The following ELAVL1 variants were observed in gnomAD, a reference collection of about 807,000 sequenced individuals.
ELAVL1 encodes the protein ELAV-like protein 1.
A neutral mutation model predicts 28.4 loss-of-function variants in ELAVL1; 1 was observed. The observed-to-expected ratio is 0.04, with a 90% CI of 0.01 to 0.17. ELAVL1 has a LOEUF of 0.17. Among genes scored for constraint, ELAVL1 ranks in the 10% least tolerant of loss-of-function variants. The pLI is 1.00. For missense variants in ELAVL1, 157 were observed against 447.2 expected (o/e 0.35, Z 5.85); for synonymous variants, 174 against 183.5 (o/e 0.95, Z 0.42).
rs1391946655 is a variant in ELAVL1 at position 7,963,069 on chromosome 19, ATCTG to A, written c.*410_*413del. ...GCGGTTGAGAAAACGCACACTCAGC[ATCTG>A]TCTAACATCTTTAGATTAAAAACTA... On this transcript the variant is annotated 3_prime_UTR_variant, in exon 6 of 6. Transcript: ENST00000407627. The surrounding 1 kb of genome is among the most constrained non-coding windows in gnomAD (Gnocchi z 4.5). 2 of 165,558 alleles carry A rather than the reference ATCTG, an allele frequency of 1.2e-5. No individual in the cohort carries two copies. The highest frequency in any genetic ancestry group is 1.6e-4 in the South Asian group (1 of 6,322). 10.3% of individuals were successfully genotyped at this position (165,558 alleles called of 1,614,324 possible).
intron 4 of ELAVL1, among the ~76,000 whole-genome samples, chr19:7,971,964 C>T (rs770704313): frequency 1.3e-5 from 2 of 152,196 alleles, no homozygotes; most frequent in Non-Finnish European, 2.9e-5. Flanking sequence ...ACATGAAAGG[C>T]GAGGCTCTGG....
At chr19:8,005,127 G>A (rs903583342) in intron 1 of ELAVL1, among the ~76,000 whole-genome samples, 16 of 152,084 alleles carry the variant, frequency 1.1e-4, no homozygotes, top group African/African-American at 3.9e-4. Context: ...TGACCTCTGC[G>A]CGCTCAAAGC....
intron 1 of ELAVL1, among the ~76,000 whole-genome samples, chr19:8,000,590 T>C (rs984166294): frequency 1.8e-4 from 27 of 152,236 alleles, no homozygotes; most frequent in Admixed American, 1.6e-3. Flanking sequence ...CCTTTCCAGA[T>C]GCAACATTCT....
Position 7,981,811 on chromosome 19 carries a change from G to A in ELAVL1, c.173-625C>T, listed in dbSNP as rs1985472690. On this transcript the variant is annotated intron_variant, in intron 2 of 5. Coordinates refer to ENST00000407627, the MANE Select transcript of ELAVL1 (RefSeq NM_001419.3). This position sits in a 1 kb window ranked among gnomAD's most constrained non-coding sequence, Gnocchi z 4.2. ...GGCCGCTCTGTGGGGCCTGGGTGGT[G>A]AGGATGAGGAAGGCCACGGCAGTGG... 6.6e-6 allele frequency among the ~76,000 whole-genome samples: 1 copy of A among 152,126 alleles called. No individual in the cohort carries two copies. The highest frequency in any genetic ancestry group is 1.5e-5 in the Non-Finnish European group (1 of 68,002).
rs150376099 is a variant in ELAVL1 at position 7,999,739 on chromosome 19, C to T, written c.-17+5756G>A. Among the ~76,000 whole-genome samples, 9 of 152,226 alleles carry T rather than the reference C, an allele frequency of 5.9e-5. No homozygotes were observed. In the South Asian group the frequency reaches 1.0e-3, roughly 18 times the overall value. On this transcript the variant is annotated intron_variant, in intron 1 of 5. Transcript: ENST00000407627. ...CTAGGACTGCAGGTGCGTGTCACTA[C>T]GTAGTCCTACTAAGTCCTCTATGTA...
chr19:8,004,516 G>T (rs1207460174), intron 1 of ELAVL1, among the ~76,000 whole-genome samples: 6 of 152,130 alleles, frequency 3.9e-5, no homozygotes, highest in African/African-American at 1.4e-4. Context: ...GGCATCTAGT[G>T]GGTAGAGGCC....
At position 7,963,141 on chromosome 19, in the gene ELAVL1, T is replaced by C. The variant is rs1350058694; in HGVS notation, c.*342A>G. 8 of 219,178 alleles carry C rather than the reference T, an allele frequency of 3.6e-5. No individual in the cohort carries two copies. Among genetic ancestry groups the C allele is most frequent in the Admixed American group, 1.6e-4 (3 of 19,276 alleles). 13.6% of individuals were successfully genotyped at this position (219,178 alleles called of 1,614,324 possible). ...TTTTGCTACCCAGTCTGTGGAGACATTGAATGAAACGCGTGTTAGACAGTC... is the reference window on the plus strand; with the variant it reads ...TTTTGCTACCCAGTCTGTGGAGACACTGAATGAAACGCGTGTTAGACAGTC... On this transcript the variant is annotated 3_prime_UTR_variant, in exon 6 of 6. Transcript: ENST00000407627. This position sits in a 1 kb window ranked among gnomAD's most constrained non-coding sequence, Gnocchi z 4.5.
At position 7,981,745 on chromosome 19, in the gene ELAVL1, T is replaced by G. The variant is rs535636410; in HGVS notation, c.173-559A>C. 3.9e-5 allele frequency among the ~76,000 whole-genome samples: 6 copies of G among 152,204 alleles called. No homozygotes were observed. The highest frequency in any genetic ancestry group is 8.8e-5 in the Non-Finnish European group (6 of 68,038). ...GGAGTATTTTTTAAAAATACTGTGCTACGGACAGCATCTTTCTGAAAGACC... is the reference window on the plus strand; with the variant it reads ...GGAGTATTTTTTAAAAATACTGTGCGACGGACAGCATCTTTCTGAAAGACC... On this transcript the variant is annotated intron_variant, in intron 2 of 5. Transcript: ENST00000407627. This position sits in a 1 kb window ranked among gnomAD's most constrained non-coding sequence, Gnocchi z 4.2.
chr19:7,966,055 T>C (rs556425206), intron 5 of ELAVL1, among the ~76,000 whole-genome samples: 9 of 152,206 alleles, frequency 5.9e-5, no homozygotes, highest in Admixed American at 5.2e-4. Context: ...AAAACAACGA[T>C]GGGGCCGGGC....
In ELAVL1 at chr19:7,971,661, G is replaced by A. The variant is rs142280740; in HGVS notation, c.430+2064C>T. On this transcript the variant is annotated intron_variant, in intron 4 of 5. Transcript: ENST00000407627. ...AGGCAGAATGGCGGCGGCCGTGCGA[G>A]TGAGCCCTGTCCTTCGGCACTGCCC... Among the ~76,000 whole-genome samples, 527 of 152,348 alleles carry A rather than the reference G, an allele frequency of 3.5e-3. 3 individuals carry two copies. Among genetic ancestry groups the A allele is most frequent in the Middle Eastern group, 0.01 (3 of 294 alleles).
intron 2 of ELAVL1, among the ~76,000 whole-genome samples, chr19:7,984,575 T>A (rs552972770): frequency 1.0e-3 from 153 of 152,282 alleles, no homozygotes; most frequent in Middle Eastern, 6.8e-3. Context: ...GCAGGCTATG[T>A]GCACAGGCCA....
Position 7,963,549 on chromosome 19 carries a change from C to T in ELAVL1, c.915G>A (p.Leu305=). ...YEEAAMAIAS[L]NGYRLGDKIL... The stretch of plus-strand genomic sequence containing the variant: ...TTTTGTCCCCCAGGCGGTAGCCGTT[C>T]AGGCTGGCTATGGCCATCGCGGCTT... The change falls in exon 6 of 6, where the codon CTG becomes CTA. Residue 305 remains leucine, a synonymous_variant. Transcript: ENST00000407627. The surrounding 1 kb of genome is among the most constrained non-coding windows in gnomAD (Gnocchi z 4.5). 1 of 1,614,188 alleles carries T rather than the reference C, an allele frequency of 6.2e-7. No individual in the cohort carries two copies. Among genetic ancestry groups the T allele is most frequent in the South Asian group, 1.1e-5 (1 of 91,084 alleles).
chr19:7,975,995 A>G (rs1985271843), intron 3 of ELAVL1, among the ~76,000 whole-genome samples: 1 of 151,300 alleles, frequency 6.6e-6, no homozygotes, highest in Admixed American at 6.6e-5. Context: ...CGGGAGGCTG[A>G]GGTAGGAGGA....
chr19:7,991,824 T>C lies in ELAVL1; in HGVS notation c.-9A>G. 6.3e-7 allele frequency: 1 copy of C among 1,582,136 alleles called. No homozygotes were observed. The highest frequency in any genetic ancestry group is 8.6e-7 in the Non-Finnish European group (1 of 1,161,526). On this transcript the variant is annotated 5_prime_UTR_variant, in exon 2 of 6. Transcript: ENST00000407627. ...TCATAACCATTAGACATTGTATTTT[T>C]CAAAAATCTGCCAAGAGAAAAAGAG... is the stretch of plus-strand genomic sequence containing the variant.
At chr19:7,978,222 ACTC>A (rs1985355154) in intron 3 of ELAVL1, among the ~76,000 whole-genome samples, 1 of 150,766 alleles carries the variant, frequency 6.6e-6, no homozygotes, top group Non-Finnish European at 1.5e-5. Flanking sequence ...AGCTTGTAAA[ACTC>A]CTGGAATTTC....
At position 7,962,911 on chromosome 19, in the gene ELAVL1, G is replaced by C. The variant is rs1445487541; in HGVS notation, c.*572C>G. 2 of 152,950 alleles carry C rather than the reference G, an allele frequency of 1.3e-5. No homozygotes were observed. The highest frequency in any genetic ancestry group is 4.8e-5 in the African/African-American group (2 of 41,464). The allele number at this position is 152,950 out of a possible 1,614,324, so 9.5% of individuals were successfully genotyped here. ...GCCCCCGGCCCCAGTGGTGGCCCAC[G>C]CTGGACGGGCCCGCCGCCATTCCCA... On this transcript the variant is annotated 3_prime_UTR_variant, in exon 6 of 6. Transcript: ENST00000407627.
At chr19:7,980,713 C>T (rs549536272) in intron 3 of ELAVL1, among the ~76,000 whole-genome samples, 1 of 152,184 alleles carries the variant, frequency 6.6e-6, no homozygotes, top group East Asian at 1.9e-4. Context: ...GTGGGGCACA[C>T]AGTAGGTGCT....
intron 1 of ELAVL1, among the ~76,000 whole-genome samples, chr19:7,994,077 G>A (rs1210960189): frequency 6.6e-6 from 1 of 152,078 alleles, no homozygotes; most frequent in Non-Finnish European, 1.5e-5. Context: ...AAAAGCCATA[G>A]AAAAAAAGAC....
chr19:7,966,963 G>A (rs562966459), intron 5 of ELAVL1, among the ~76,000 whole-genome samples: 1 of 152,108 alleles, frequency 6.6e-6, no homozygotes, highest in Non-Finnish European at 1.5e-5. Context: ...GCTGTTACTA[G>A]GAACTGCGTG....
Sources: allele counts gnomAD v4.1 joint callset (sites outside exome capture counted in the v4.1 genomes callset), GRCh38; gene constraint gnomAD v4.1.1; non-coding constraint Gnocchi (gnomAD v3.1); transcripts MANE v1.5; gene names NCBI Gene and HGNC (gene_info 2026-07-23, HGNC 2026-07-21).